The following SRPK2 variants were observed in gnomAD, a reference collection of about 807,000 sequenced individuals.
The protein encoded by SRPK2 is SFRS protein kinase 2.
Under a neutral mutation model 90.8 loss-of-function variants are expected in SRPK2, and 21 were observed. The ratio of observed to expected loss-of-function variants is 0.23; its 90% CI spans 0.16 to 0.33. SRPK2 has a LOEUF of 0.33. Ranked by LOEUF, SRPK2 falls within the 10% of genes least tolerant of loss-of-function variation. SRPK2 has a pLI of 1.00. For missense variants in SRPK2, 620 were observed against 869.0 expected (o/e 0.71, Z 3.60); for synonymous variants, 288 against 311.1 (o/e 0.93, Z 0.78).
chr7:105,124,153 C>T (rs1006531980), intron 15 of SRPK2, among the ~76,000 whole-genome samples: 8 of 152,210 alleles, frequency 5.3e-5, no homozygotes, highest in Admixed American at 6.5e-5. Flanking sequence ...GGAACCATCA[C>T]AGGAGTGACA....
At chr7:105,136,311 A>G (rs912198040) in intron 11 of SRPK2, among the ~76,000 whole-genome samples, 124 of 152,174 alleles carry the variant, frequency 8.1e-4, no homozygotes, top group Non-Finnish European at 3.1e-4. Context: ...AAGGTACCAG[A>G]CTGCTACATT....
At chr7:105,176,609 G>GTGTGTGTGTGTA (rs1791916783) in intron 3 of SRPK2, among the ~76,000 whole-genome samples, 1 of 135,518 alleles carries the variant, frequency 7.4e-6, no homozygotes, top group African/African-American at 3.2e-5. Flanking sequence ...GTGTGTGTGT[G>GTGTGTGTGTGTA]TATACGTGTG....
At position 105,279,208 on chromosome 7, in the gene SRPK2, C is replaced by T. The variant is rs1343833923; in HGVS notation, c.72-75423G>A. Among the ~76,000 whole-genome samples the T allele has an allele frequency of 7.4e-5, 8 of 108,480 alleles. No homozygotes were observed. The East Asian group carries it at 2.3e-3, about 31-fold the overall frequency. The allele number at this position is 108,480 out of a possible 152,430, so 71.2% of individuals were successfully genotyped here. On this transcript the variant is annotated intron_variant, in intron 2 of 15. Coordinates refer to ENST00000393651, the MANE Select transcript of SRPK2 (RefSeq NM_182692.3). ...AGTGGGGGTGCCAGAGGGCGGGCGG[C>T]GGGGGGAGGAGGGAGCGGTGTTGGC...
chr7:105,244,623 G>T, intron 2 of SRPK2: 1 of 697,632 alleles, frequency 1.4e-6, no homozygotes, highest in Non-Finnish European at 2.5e-6. Context: ...GCCCCAGCGC[G>T]CCAGGGCCGC....
chr7:105,343,576 G>A (rs1183257431), intron 2 of SRPK2, among the ~76,000 whole-genome samples: 2 of 152,156 alleles, frequency 1.3e-5, no homozygotes, highest in Admixed American at 1.3e-4. Context: ...CCAGAATATA[G>A]GCTCCATTAG....
intron 2 of SRPK2, among the ~76,000 whole-genome samples, chr7:105,265,500 T>C (rs1293042834): frequency 6.6e-6 from 1 of 152,114 alleles, no homozygotes; most frequent in Non-Finnish European, 1.5e-5. Context: ...ACAACTGTAC[T>C]ACACCTTTTT....
rs934395072 is a variant in SRPK2, at chr7:105,117,171, C to T, written c.*667G>A. 1 of 152,038 alleles carries T rather than the reference C, an allele frequency of 6.6e-6. No individual in the cohort carries two copies. Among genetic ancestry groups the T allele is most frequent in the Non-Finnish European group, 1.5e-5 (1 of 68,002 alleles). The allele number at this position is 152,038 out of a possible 1,614,324, so 9.4% of individuals were successfully genotyped here. A position where few individuals can be genotyped will look rare whatever the true frequency, so the allele number is the denominator to read the frequency against. On this transcript the variant is annotated 3_prime_UTR_variant, in exon 16 of 16. Coordinates refer to ENST00000393651, the MANE Select transcript of SRPK2 (RefSeq NM_182692.3). ...CATATAGAGAATGACATCTTATAAC[C>T]CAGAGCCACTTTGTTTAAAATCCAA... is the stretch of plus-strand genomic sequence containing the variant.
At position 105,160,653 on chromosome 7, in the gene SRPK2, G is replaced by C. The variant is rs767666560; in HGVS notation, c.515-40C>G. The stretch of plus-strand genomic sequence containing the variant: ...AGGATCGTTTGTGGATGCACTGCCT[G>C]GAGTGAGGCAGTTATTGAAAGCAGC... On this transcript the variant is annotated intron_variant, in intron 6 of 15. Transcript: ENST00000393651. 5.5e-5 allele frequency: 65 copies of C among 1,188,094 alleles called. 1 individual carries two copies. In the South Asian group the frequency reaches 7.9e-4, roughly 14 times the overall value. The allele number at this position is 1,188,094 out of a possible 1,614,324, so 73.6% of individuals were successfully genotyped here.
At chr7:105,179,897 A>G (rs1370714537) in intron 3 of SRPK2, among the ~76,000 whole-genome samples, 1 of 151,860 alleles carries the variant, frequency 6.6e-6, no homozygotes, top group Non-Finnish European at 1.5e-5. Context: ...AAAGATCTCT[A>G]CAATAAGAAT....
chr7:105,124,640 T>TTAAAAAAAAAAA (rs71519197), intron 15 of SRPK2, among the ~76,000 whole-genome samples: 2 of 52,924 alleles, frequency 3.8e-5, no homozygotes, highest in African/African-American at 1.2e-4. Context: ...AAACTCCATC[T>TTAAAAAAAAAAA]AAAAAAAAAA....
intron 2 of SRPK2, among the ~76,000 whole-genome samples, chr7:105,302,704 G>A (rs541664190): frequency 5.1e-4 from 77 of 152,168 alleles, no homozygotes; most frequent in Non-Finnish European, 1.0e-3. Flanking sequence ...GTCAAGATGT[G>A]TGATCATGAG....
chr7:105,218,610 A>T (rs1162489262), intron 2 of SRPK2, among the ~76,000 whole-genome samples: 1 of 152,230 alleles, frequency 6.6e-6, no homozygotes, highest in East Asian at 1.9e-4. Context: ...AATGAAAAGG[A>T]CCTCCACTTA....
intron 2 of SRPK2, among the ~76,000 whole-genome samples, chr7:105,351,415 T>C (rs1817158991): frequency 6.6e-6 from 1 of 151,940 alleles, no homozygotes; most frequent in South Asian, 2.1e-4. Flanking sequence ...CCCAGCACTC[T>C]GGGAGGCTGA....
chr7:105,292,536 A>C (rs1404146889), intron 2 of SRPK2, among the ~76,000 whole-genome samples: 1 of 150,354 alleles, frequency 6.7e-6, no homozygotes, highest in East Asian at 2.0e-4. Context: ...GCATAATATA[A>C]AGTTTCTTGG....
At chr7:105,188,787 C>T (rs1025209169) in intron 3 of SRPK2, among the ~76,000 whole-genome samples, 1 of 152,180 alleles carries the variant, frequency 6.6e-6, no homozygotes, top group African/African-American at 2.4e-5. Flanking sequence ...AGATATTACT[C>T]GTAACAGGTT....
intron 2 of SRPK2, among the ~76,000 whole-genome samples, chr7:105,221,779 C>T (rs1283900408): frequency 6.6e-6 from 1 of 152,194 alleles, no homozygotes; most frequent in Admixed American, 6.5e-5. Context: ...TAACATACAA[C>T]TGGTGATTTT....
At chr7:105,144,609 A>G (rs1804285682) in intron 9 of SRPK2, among the ~76,000 whole-genome samples, 4 of 152,182 alleles carry the variant, frequency 2.6e-5, no homozygotes, top group South Asian at 4.1e-4. Context: ...TAACATCCGC[A>G]TGGAAAAAAT....
Position 105,388,668 on chromosome 7 carries a change from T to C in SRPK2, c.51A>G (p.Lys17=). 6.3e-7 allele frequency: 1 copy of C among 1,587,582 alleles called. No individual in the cohort carries two copies. The highest frequency in any genetic ancestry group is 8.6e-7 in the Non-Finnish European group (1 of 1,166,858). ...LAIQARKRRP[K]REKHPKKPEP... is the part of the protein sequence containing the mutation. Reference sequence around the variant, plus strand: ...CTCACTTTTTCGGATGTTTCTCTCTTTTCGGCCTCCGCTTTCGGGCCTGAA... The same window carrying C: ...CTCACTTTTTCGGATGTTTCTCTCTCTTCGGCCTCCGCTTTCGGGCCTGAA... The change falls in exon 2 of 16, where the codon AAA becomes AAG. Residue 17 remains lysine (K), a synonymous_variant. Coordinates refer to ENST00000393651, the MANE Select transcript of SRPK2 (RefSeq NM_182692.3).
At chr7:105,324,289 G>A (rs1813308597) in intron 2 of SRPK2, among the ~76,000 whole-genome samples, 1 of 151,652 alleles carries the variant, frequency 6.6e-6, no homozygotes, top group South Asian at 2.1e-4. Context: ...TTACAGACAT[G>A]AGCCACTGCG....
Sources: gnomAD v4.1 joint callset for allele counts (sites outside exome capture counted in the v4.1 genomes callset) on GRCh38, gnomAD v4.1.1 for gene constraint, MANE v1.5 for transcripts, NCBI Gene and HGNC (gene_info 2026-07-23, HGNC 2026-07-21) for gene names.